Variants in PSD3 observed in about 807,000 individuals in gnomAD.
PSD3 encodes the protein PH and SEC7 domain-containing protein 3.
A neutral mutation model predicts 105.5 loss-of-function variants in PSD3; 49 were observed. The observed-to-expected ratio is 0.46, with a 90% CI of 0.37 to 0.59. The LOEUF is 0.59. Ranked by LOEUF, PSD3 falls within the 20% of genes least tolerant of loss-of-function variation. PSD3 has a pLI of 0.00. For missense variants in PSD3, 1,561 were observed against 1,263.8 expected, an observed-to-expected ratio of 1.24 and a Z score of -3.57; for synonymous variants, 557 against 457.8, an observed-to-expected ratio of 1.22 and a Z score of -2.77.
chr8:18,785,411 T>C (rs1809044317), intron 8 of PSD3, among the ~76,000 whole-genome samples: 1 of 152,166 alleles, frequency 6.6e-6, no homozygotes, highest in Non-Finnish European at 1.5e-5. Flanking sequence ...GCTTCCAACT[T>C]TTCTTCTGCA....
chr8:19,031,248 T>G (rs902159074), intron 1 of PSD3, among the ~76,000 whole-genome samples: 2 of 152,152 alleles, frequency 1.3e-5, no homozygotes, highest in Non-Finnish European at 2.9e-5. Context: ...TACTGAAACT[T>G]AAGGGTTTCT....
intron 6 of PSD3, 113 bp from the exon 7 acceptor site, chr8:18,801,495 T>C (rs1810682776): frequency 4.9e-6 from 3 of 616,422 alleles, no homozygotes; most frequent in Admixed American, 3.3e-5. Flanking sequence ...CAAAGTAAGA[T>C]ATTATGAAGT....
Position 18,530,381 on chromosome 8 carries a change from C to T in PSD3, c.*5362G>A, listed in dbSNP as rs1320935004. On this transcript the variant is annotated 3_prime_UTR_variant, in exon 16 of 16. Coordinates refer to ENST00000327040, the MANE Select transcript of PSD3 (RefSeq NM_015310.4). ...AGATGCTAATTTCTGCAACTGCAAACCTAGGATACAGTACCCAATCCTGGG... is the reference window on the plus strand; with the variant it reads ...AGATGCTAATTTCTGCAACTGCAAATCTAGGATACAGTACCCAATCCTGGG... 6.6e-6 allele frequency: 1 copy of T among 152,382 alleles called. No homozygotes were observed. The highest frequency in any genetic ancestry group is 1.5e-5 in the Non-Finnish European group (1 of 68,030). 9.4% of individuals were successfully genotyped at this position (152,382 alleles called of 1,614,324 possible). A position where few individuals can be genotyped will look rare whatever the true frequency, so the allele number is the denominator to read the frequency against.
chr8:18,757,182 G>A (rs1806120382), intron 9 of PSD3, among the ~76,000 whole-genome samples: 1 of 150,628 alleles, frequency 6.6e-6, no homozygotes, highest in Non-Finnish European at 1.5e-5. Context: ...TCTGGACGCG[G>A]TGGCTCACGC....
At chr8:18,638,502 G>T (rs1807429695) in intron 10 of PSD3, among the ~76,000 whole-genome samples, 1 of 151,134 alleles carries the variant, frequency 6.6e-6, no homozygotes, top group Non-Finnish European at 1.5e-5. Context: ...ACTACTCAAA[G>T]AATTAAGAAA....
intron 15 of PSD3, 52 bp from the exon 16 acceptor site, chr8:18,536,010 C>A: frequency 6.5e-7 from 1 of 1,532,428 alleles, no homozygotes; most frequent in African/African-American, 1.4e-5. Flanking sequence ...TCAAAATGCA[C>A]GTGTGCAGCA....
chr8:18,737,661 TATAA>T (rs2129433410), intron 9 of PSD3, among the ~76,000 whole-genome samples: 1 of 152,324 alleles, frequency 6.6e-6, no homozygotes, highest in Non-Finnish European at 1.5e-5. Flanking sequence ...TGCATAAGGC[TATAA>T]ATAAGTCTTG....
rs1799683692 is a variant in PSD3 at position 18,532,726 on chromosome 8, G to C, written c.*3017C>G. ...AAGGACTCTGCATCCCAGTAATTAA[G>C]TTTTGATTGCTAATGAGGAATCCCA... On this transcript the variant is annotated 3_prime_UTR_variant, in exon 16 of 16. Transcript: ENST00000327040. The C allele has an allele frequency of 6.6e-6, 1 of 152,168 alleles. No individual in the cohort carries two copies. Among genetic ancestry groups the C allele is most frequent in the Non-Finnish European group, 1.5e-5 (1 of 68,036 alleles). The allele number at this position is 152,168 out of a possible 1,614,324, so 9.4% of individuals were successfully genotyped here.
chr8:18,659,000 C>A (rs1424440054), intron 9 of PSD3, among the ~76,000 whole-genome samples: 1 of 152,128 alleles, frequency 6.6e-6, no homozygotes, highest in East Asian at 1.9e-4. Flanking sequence ...TCTCCCAGCT[C>A]CAGTATGAAA....
chr8:18,562,687 G>A (rs1005773872), intron 14 of PSD3, among the ~76,000 whole-genome samples: 1 of 152,052 alleles, frequency 6.6e-6, no homozygotes, highest in African/African-American at 2.4e-5. Context: ...TCAAGAGTTC[G>A]AGACCAGCCT....
chr8:18,604,499 C>A (rs1434415786), intron 11 of PSD3, among the ~76,000 whole-genome samples: 1 of 150,338 alleles, frequency 6.7e-6, no homozygotes, highest in South Asian at 2.1e-4. Flanking sequence ...AAAGAGAAGC[C>A]GAGCATAAAT....
rs148725447 is a variant in PSD3 at position 18,965,235 on chromosome 8, T to C, written c.22-29093A>G. On this transcript the variant is annotated intron_variant, in intron 1 of 15. Coordinates refer to ENST00000327040, the MANE Select transcript of PSD3 (RefSeq NM_015310.4). ...ACCTCATTCACTGGTCATTCAGAAA[T>C]AATGTCCTTCTGAAGATGCTGGCAA... 4.6e-4 allele frequency among the ~76,000 whole-genome samples: 70 copies of C among 152,318 alleles called. No individual in the cohort carries two copies. In the Middle Eastern group the frequency reaches 0.014, roughly 30 times the overall value.
intron 4 of PSD3, among the ~76,000 whole-genome samples, chr8:18,833,426 T>G (rs1340960063): frequency 1.3e-5 from 2 of 152,232 alleles, no homozygotes; most frequent in Admixed American, 6.5e-5. Context: ...TACCATTTAT[T>G]AGAAAATAAT....
intron 7 of PSD3, 90 bp from the exon 8 acceptor site, chr8:18,799,443 T>A: frequency 9.8e-7 from 1 of 1,025,320 alleles, no homozygotes; most frequent in South Asian, 1.3e-5. Context: ...ACTCAGAACC[T>A]ATGAAAACAG....
intron 14 of PSD3, among the ~76,000 whole-genome samples, chr8:18,558,591 G>C (rs75345994): frequency 6.6e-6 from 1 of 152,188 alleles, no homozygotes. Context: ...GGGAGGCTGA[G>C]GCAGGTGGAT....
chr8:19,011,636 T>C (rs74886569), intron 1 of PSD3, among the ~76,000 whole-genome samples: 3 of 152,300 alleles, frequency 2.0e-5, no homozygotes, highest in African/African-American at 7.2e-5. Context: ...AAAAGCAGAA[T>C]TGAATTGCTT....
At chr8:19,071,158 CAA>C (rs1829246321) in intron 1 of PSD3, among the ~76,000 whole-genome samples, 1 of 151,906 alleles carries the variant, frequency 6.6e-6, no homozygotes, top group South Asian at 2.1e-4. Context: ...CTCCTGGGTT[CAA>C]GTGATTCTCG....
intron 11 of PSD3, among the ~76,000 whole-genome samples, chr8:18,604,064 T>C (rs1377428786): frequency 6.6e-6 from 1 of 152,088 alleles, no homozygotes; most frequent in Non-Finnish European, 1.5e-5. Flanking sequence ...TACCTGAAAA[T>C]GTGAAAGCTA....
chr8:18,950,513 C>T (rs1387475994), intron 1 of PSD3, among the ~76,000 whole-genome samples: 2 of 152,102 alleles, frequency 1.3e-5, no homozygotes, highest in African/African-American at 4.8e-5. Flanking sequence ...GGCTTTGCAC[C>T]CTCTGGCCAT....
Sources: gnomAD v4.1 joint callset for allele counts (sites outside exome capture counted in the v4.1 genomes callset) on GRCh38, gnomAD v4.1.1 for gene constraint, MANE v1.5 for transcripts, NCBI Gene and HGNC (gene_info 2026-07-23, HGNC 2026-07-21) for gene names.